The following ZFAND3 variants were observed in gnomAD, a reference collection of about 807,000 sequenced individuals.
ZFAND3 encodes the protein AN1-type zinc finger protein 3.
A neutral mutation model predicts 29.6 loss-of-function variants in ZFAND3; 10 were observed. That is an observed-to-expected ratio of 0.34 (90% CI 0.21 to 0.57). The LOEUF is 0.57. ZFAND3 is among the 20% of genes least tolerant of loss of function. The pLI is 0.86. For synonymous variants in ZFAND3, 128 were observed against 112.6 expected (o/e 1.14, Z -0.87); for missense variants, 230 against 304.5 (o/e 0.76, Z 1.82).
At chr6:37,824,089 G>A (rs906550369) in intron 1 of ZFAND3, among the ~76,000 whole-genome samples, 5 of 152,276 alleles carry the variant, frequency 3.3e-5, no homozygotes, top group Admixed American at 3.3e-4. Context: ...ATATATTAAC[G>A]TCATATTTTT....
At chr6:38,144,019 G>A (rs2127496298) in intron 5 of ZFAND3, among the ~76,000 whole-genome samples, 1 of 151,792 alleles carries the variant, frequency 6.6e-6, no homozygotes, top group Middle Eastern at 3.4e-3. Context: ...GTATAATCCA[G>A]GGATTGCTGC....
intron 1 of ZFAND3, among the ~76,000 whole-genome samples, chr6:37,876,274 G>A (rs75879379): frequency 2.6e-5 from 4 of 152,218 alleles, no homozygotes; most frequent in East Asian, 1.9e-4. Context: ...TTAGAATCCC[G>A]TAGGCATTGA....
intron 1 of ZFAND3, among the ~76,000 whole-genome samples, chr6:37,880,129 C>A (rs577774219): frequency 2.6e-5 from 4 of 152,154 alleles, no homozygotes; most frequent in South Asian, 2.1e-4. Flanking sequence ...GGACAAAAAG[C>A]CAATAAAGGG....
At chr6:38,014,480 C>T (rs1469548587) in intron 2 of ZFAND3, among the ~76,000 whole-genome samples, 1 of 152,120 alleles carries the variant, frequency 6.6e-6, no homozygotes, top group Non-Finnish European at 1.5e-5. Flanking sequence ...GCACCTGCCA[C>T]CATGCCCAGC....
chr6:37,941,878 G>A (rs1761816713), intron 2 of ZFAND3, among the ~76,000 whole-genome samples: 1 of 152,128 alleles, frequency 6.6e-6, no homozygotes, highest in African/African-American at 2.4e-5. Flanking sequence ...TTATGGAAAA[G>A]CCTGTCCTTT....
chr6:38,093,043 A>G (rs547158279), intron 4 of ZFAND3, among the ~76,000 whole-genome samples: 14 of 152,326 alleles, frequency 9.2e-5, no homozygotes, highest in Admixed American at 7.8e-4. Context: ...CAGTAGTATA[A>G]GCTACATAAA....
At chr6:37,855,781 A>T (rs1287515350) in intron 1 of ZFAND3, among the ~76,000 whole-genome samples, 1 of 152,208 alleles carries the variant, frequency 6.6e-6, no homozygotes, top group Admixed American at 6.5e-5. Context: ...TTGCATATAC[A>T]CAGTGTACTT....
chr6:37,838,654 C>A (rs1029323243), intron 1 of ZFAND3, among the ~76,000 whole-genome samples: 1 of 152,140 alleles, frequency 6.6e-6, no homozygotes, highest in African/African-American at 2.4e-5. Flanking sequence ...TAGTGTACTT[C>A]ATGTCTTTTT....
intron 2 of ZFAND3, among the ~76,000 whole-genome samples, chr6:37,934,274 C>A (rs1761654353): frequency 6.6e-6 from 1 of 151,958 alleles, no homozygotes; most frequent in Non-Finnish European, 1.5e-5. Context: ...CCTCTGCCTC[C>A]CGGGTTCAAG....
intron 1 of ZFAND3, among the ~76,000 whole-genome samples, chr6:37,894,737 C>CTT (rs990332772): frequency 2.6e-5 from 4 of 152,192 alleles, no homozygotes; most frequent in African/African-American, 9.6e-5. Context: ...TTGGAAATGT[C>CTT]TTTGTTTCTT....
rs145735367 is a variant in ZFAND3, at chr6:37,934,276, G to A, written c.112+4277G>A. On this transcript the variant is annotated intron_variant, in intron 2 of 5. Transcript: ENST00000287218. ...CAGCTCACTGCAGCCTCTGCCTCCC[G>A]GGTTCAAGCGATTCCAAAGGACTTT... Among the ~76,000 whole-genome samples, 296 of 151,690 alleles carry A rather than the reference G, an allele frequency of 2.0e-3. 1 individual carries two copies. Among genetic ancestry groups the A allele is most frequent in the African/African-American group, 6.8e-3 (281 of 41,406 alleles).
chr6:38,095,891 G>C (rs1764967479), intron 4 of ZFAND3, among the ~76,000 whole-genome samples: 1 of 151,980 alleles, frequency 6.6e-6, no homozygotes, highest in African/African-American at 2.4e-5. Flanking sequence ...AAATTAGCCA[G>C]GCATAGTGGT....
intron 2 of ZFAND3, chr6:38,002,949 T>TG (rs939733304): frequency 6.6e-5 from 10 of 152,446 alleles, no homozygotes; most frequent in Non-Finnish European, 5.9e-5. Flanking sequence ...AGAAGAGGGC[T>TG]GGGGGGAAAA....
chr6:38,100,064 C>CT (rs994008191), intron 4 of ZFAND3, among the ~76,000 whole-genome samples: 380 of 146,742 alleles, frequency 2.6e-3, no homozygotes, highest in African/African-American at 5.9e-3. Flanking sequence ...TTCTTTTTTT[C>CT]TTTTTTTTTT....
chr6:38,010,296 A>C (rs780272611), intron 2 of ZFAND3, among the ~76,000 whole-genome samples: 1 of 152,192 alleles, frequency 6.6e-6, no homozygotes, highest in East Asian at 1.9e-4. Context: ...ACAGGTGTGC[A>C]TGGGGAGAAG....
intron 1 of ZFAND3, among the ~76,000 whole-genome samples, chr6:37,835,688 C>T (rs572445651): frequency 7.2e-4 from 110 of 152,290 alleles, no homozygotes; most frequent in Non-Finnish European, 1.4e-3. Flanking sequence ...CTTAGTCCCA[C>T]TTAGTCATGG....
At position 38,153,011 on chromosome 6, in the gene ZFAND3, C is replaced by T. The variant is rs939138413; in HGVS notation, c.*622C>T. On this transcript the variant is annotated 3_prime_UTR_variant, in exon 6 of 6. Transcript: ENST00000287218. ...TTTTACCTGACTTGCTATGAAAAAA[C>T]TCATCACACAAGAAGAGAAACAGTA... The T allele has an allele frequency of 1.2e-4, 119 of 985,766 alleles. No homozygotes were observed. Among genetic ancestry groups the T allele is most frequent in the Non-Finnish European group, 1.4e-4 (115 of 829,976 alleles). 61.1% of individuals were successfully genotyped at this position (985,766 alleles called of 1,614,324 possible).
At chr6:37,969,167 G>T (rs538777019) in intron 2 of ZFAND3, among the ~76,000 whole-genome samples, 42 of 152,170 alleles carry the variant, frequency 2.8e-4, no homozygotes, top group Non-Finnish European at 5.3e-4. Context: ...TAAAAGTACA[G>T]CATTAAAATT....
chr6:37,946,294 A>C (rs1488708924), intron 2 of ZFAND3, among the ~76,000 whole-genome samples: 1 of 152,222 alleles, frequency 6.6e-6, no homozygotes, highest in Non-Finnish European at 1.5e-5. Context: ...TAAGATACTT[A>C]CCATGACTCA....
Sources: allele counts gnomAD v4.1 joint callset (sites outside exome capture counted in the v4.1 genomes callset), GRCh38; gene constraint gnomAD v4.1.1; transcripts MANE v1.5; gene names NCBI Gene and HGNC (gene_info 2026-07-23, HGNC 2026-07-21).